Variants in DAB1 observed in about 807,000 individuals in gnomAD.
DAB1 encodes disabled homolog 1.
Under a neutral mutation model 64.6 loss-of-function variants are expected in DAB1, and 15 were observed. The observed-to-expected ratio is 0.23, with a 90% CI of 0.16 to 0.36. The LOEUF is 0.36. Among genes scored for constraint, DAB1 ranks in the 10% least tolerant of loss-of-function variants. DAB1 has a pLI of 1.00. For synonymous variants in DAB1, 235 were observed against 251.9 expected (o/e 0.93, Z 0.64); for missense variants, 596 against 706.7 (o/e 0.84, Z 1.78).
chr1:58,407,906 C>A (rs1446513678), intron 3 of DAB1, among the ~76,000 whole-genome samples: 3 of 152,164 alleles, frequency 2.0e-5, no homozygotes, highest in African/African-American at 7.2e-5. Flanking sequence ...CTCCTTACTG[C>A]ATCTTACAAA....
At chr1:57,760,991 A>C (rs1423465520) in intron 6 of DAB1, among the ~76,000 whole-genome samples, 2 of 152,186 alleles carry the variant, frequency 1.3e-5, no homozygotes. Flanking sequence ...CATGAGTATA[A>C]GGAGGGATAT....
At chr1:57,282,514 C>A (rs778553308) in intron 2 of DAB1, among the ~76,000 whole-genome samples, 7 of 152,102 alleles carry the variant, frequency 4.6e-5, no homozygotes, top group Non-Finnish European at 8.8e-5. Context: ...GCAAGGGAAC[C>A]AGTTAGAACA....
chr1:57,099,876 G>T (rs1157357626), intron 4 of DAB1, among the ~76,000 whole-genome samples: 2 of 152,184 alleles, frequency 1.3e-5, no homozygotes, highest in African/African-American at 2.4e-5. Flanking sequence ...GCAGAGGAAT[G>T]AAGTGAGCCA....
At chr1:57,212,904 T>A (rs1443383284) in intron 2 of DAB1, among the ~76,000 whole-genome samples, 3 of 152,166 alleles carry the variant, frequency 2.0e-5, no homozygotes, top group Non-Finnish European at 2.9e-5. Context: ...TGCGCTGAGC[T>A]GTAAGGTACA....
intron 5 of DAB1, among the ~76,000 whole-genome samples, chr1:57,999,094 G>A (rs1340327600): frequency 6.6e-6 from 1 of 152,194 alleles, no homozygotes. Context: ...AATCCTCGCT[G>A]TTCCTGCCAA....
At chr1:57,540,573 A>C (rs1396041022) in intron 7 of DAB1, among the ~76,000 whole-genome samples, 1 of 152,246 alleles carries the variant, frequency 6.6e-6, no homozygotes, top group Non-Finnish European at 1.5e-5. Context: ...TGAATGGATA[A>C]AGAAAATGTA....
intron 7 of DAB1, among the ~76,000 whole-genome samples, chr1:57,435,959 C>G (rs1685681483): frequency 6.8e-6 from 1 of 147,466 alleles, no homozygotes; most frequent in Non-Finnish European, 1.5e-5. Context: ...CTCTGTGGCC[C>G]AGGCTGGAGT....
intron 5 of DAB1, among the ~76,000 whole-genome samples, chr1:57,986,197 T>C (rs1646213514): frequency 6.6e-6 from 1 of 152,164 alleles, no homozygotes; most frequent in Non-Finnish European, 1.5e-5. Context: ...CTCACTGCTA[T>C]GGCCTGAATG....
chr1:58,462,206 A>G (rs1645250752), intron 3 of DAB1, among the ~76,000 whole-genome samples: 1 of 142,216 alleles, frequency 7.0e-6, no homozygotes, highest in African/African-American at 2.7e-5. Context: ...GGCTCACTGC[A>G]AGCTCCGCTT....
intron 3 of DAB1, among the ~76,000 whole-genome samples, chr1:58,456,412 G>A (rs1054090055): frequency 1.2e-4 from 19 of 152,332 alleles, no homozygotes; most frequent in African/African-American, 4.6e-4. Flanking sequence ...AGGTGATGAA[G>A]TAGGTTCTTT....
intron 7 of DAB1, among the ~76,000 whole-genome samples, chr1:57,449,073 C>T (rs1335693090): frequency 6.6e-6 from 1 of 152,104 alleles, no homozygotes; most frequent in East Asian, 1.9e-4. Flanking sequence ...AGTTTAAAGG[C>T]TATGACCGAG....
At chr1:57,608,030 C>T (rs542652244) in intron 7 of DAB1, among the ~76,000 whole-genome samples, 12 of 152,234 alleles carry the variant, frequency 7.9e-5, no homozygotes, top group African/African-American at 1.4e-4. Context: ...TCTTCCTCTA[C>T]TCCCATATGC....
At chr1:58,287,604 A>C (rs1661717824) in intron 4 of DAB1, among the ~76,000 whole-genome samples, 2 of 152,188 alleles carry the variant, frequency 1.3e-5, no homozygotes, top group South Asian at 4.1e-4. Context: ...TTTTAAGAGC[A>C]ACTGCCTCAA....
chr1:57,680,822 C>T (rs1646627485), intron 6 of DAB1, among the ~76,000 whole-genome samples: 1 of 152,184 alleles, frequency 6.6e-6, no homozygotes, highest in Non-Finnish European at 1.5e-5. Flanking sequence ...AAGTCTTATA[C>T]TGAAAAGCAA....
intron 4 of DAB1, among the ~76,000 whole-genome samples, chr1:58,301,303 C>T (rs555437525): frequency 2.0e-5 from 3 of 152,140 alleles, no homozygotes; most frequent in Non-Finnish European, 4.4e-5. Context: ...AAACCCACAC[C>T]GACCGTAAAG....
At chr1:57,979,355 G>A (rs974345529) in intron 5 of DAB1, among the ~76,000 whole-genome samples, 3 of 152,038 alleles carry the variant, frequency 2.0e-5, no homozygotes, top group African/African-American at 7.2e-5. Context: ...ATAAGTGAGA[G>A]TTGAACAACG....
chr1:58,355,733 C>T lies in DAB1; in HGVS notation n.258-12330G>A, dbSNP rs115535643. ...ACAGGTAGAAATCGTATGGGATAAA[C>T]ATCTCTTATCTCAGGCTATTTCCCT... On this transcript the variant is annotated intron_variant and non_coding_transcript_variant, in intron 3 of 20. Transcript: ENST00000485760. Among the ~76,000 whole-genome samples, 1,052 of 152,250 alleles carry T rather than the reference C, an allele frequency of 6.9e-3. 12 individuals carry two copies. The highest frequency in any genetic ancestry group is 0.024 in the African/African-American group (1,004 of 41,540).
intron 1 of DAB1, among the ~76,000 whole-genome samples, chr1:57,354,783 T>C (rs904071997): frequency 1.3e-5 from 2 of 152,114 alleles, no homozygotes; most frequent in Non-Finnish European, 2.9e-5. Flanking sequence ...CTACCATAAC[T>C]GGAGACAGGC....
intron 5 of DAB1, among the ~76,000 whole-genome samples, chr1:58,011,866 T>G (rs1646673392): frequency 6.6e-6 from 1 of 152,108 alleles, no homozygotes; most frequent in South Asian, 2.1e-4. Flanking sequence ...AATTTTTGTA[T>G]TTTTAGTAGA....
Sources: allele counts gnomAD v4.1 joint callset (sites outside exome capture counted in the v4.1 genomes callset), GRCh38; gene constraint gnomAD v4.1.1; transcripts MANE v1.5; gene names NCBI Gene and HGNC (gene_info 2026-07-23, HGNC 2026-07-21).